ZNF385B: variants seen among roughly 807,000 people sequenced by gnomAD.
The protein encoded by ZNF385B is zinc finger protein 385B.
A neutral mutation model predicts 39.2 loss-of-function variants in ZNF385B; 23 were observed. The ratio of observed to expected loss-of-function variants is 0.59; its 90% CI spans 0.42 to 0.83. The LOEUF is 0.83. ZNF385B is among the 40% of genes least tolerant of loss of function. The pLI, the probability that ZNF385B is intolerant of heterozygous loss-of-function variation, is 0.00. For missense variants in ZNF385B, 552 were observed against 598.9 expected (o/e 0.92, Z 0.82); for synonymous variants, 205 against 222.6 (o/e 0.92, Z 0.70).
intron 3 of ZNF385B, among the ~76,000 whole-genome samples, chr2:179,592,230 C>G (rs1687624053): frequency 6.6e-6 from 1 of 151,928 alleles, no homozygotes; most frequent in African/African-American, 2.4e-5. Flanking sequence ...GTTAAGAGCT[C>G]TCTACACCCT....
chr2:179,539,416 A>C (rs1225530873), intron 4 of ZNF385B, among the ~76,000 whole-genome samples: 6 of 152,226 alleles, frequency 3.9e-5, no homozygotes, highest in Non-Finnish European at 7.3e-5. Context: ...GAGGGGACAT[A>C]AACATTCAGT....
intron 3 of ZNF385B, among the ~76,000 whole-genome samples, chr2:179,637,673 AGT>A (rs1364055644): frequency 7.2e-6 from 1 of 138,322 alleles, no homozygotes; most frequent in African/African-American, 2.6e-5. Context: ...AGGACAAGGC[AGT>A]GAAAGGATAA....
intron 3 of ZNF385B, among the ~76,000 whole-genome samples, chr2:179,651,866 C>A (rs1046805352): frequency 1.3e-5 from 2 of 152,128 alleles, no homozygotes; most frequent in African/African-American, 4.8e-5. Context: ...AGATAGTGCT[C>A]CTAACGGAAA....
chr2:179,766,030 T>TCTCACACACACACA lies in ZNF385B; in HGVS notation c.298+3472_298+3473insTGTGTGTGTGTGAG, dbSNP rs1553527783. On this transcript the variant is annotated intron_variant, in intron 3 of 9. Coordinates refer to ENST00000410066, the MANE Select transcript of ZNF385B (RefSeq NM_152520.6). Reference sequence around the variant, plus strand: ...TCCCTTGCTCACTTTGGTACATTGATCACACACACACACACACACACACAC... The same window carrying TCTCACACACACACA: ...TCCCTTGCTCACTTTGGTACATTGATCTCACACACACACACACACACACACACACACACACACAC... 3.5e-5 allele frequency among the ~76,000 whole-genome samples: 5 copies of TCTCACACACACACA among 140,926 alleles called. No individual in the cohort carries two copies. In the East Asian group the frequency reaches 1.1e-3, roughly 31 times the overall value. The allele number at this position is 140,926 out of a possible 152,430, so 92.5% of individuals were successfully genotyped here.
intron 1 of ZNF385B, among the ~76,000 whole-genome samples, chr2:179,819,890 C>T (rs1280776208): frequency 6.6e-6 from 1 of 152,116 alleles, no homozygotes; most frequent in Admixed American, 6.5e-5. Flanking sequence ...TTCATATTAA[C>T]AATTAGACAT....
intron 3 of ZNF385B, among the ~76,000 whole-genome samples, chr2:179,735,333 T>C (rs1344298239): frequency 6.8e-6 from 1 of 148,008 alleles, no homozygotes; most frequent in East Asian, 2.0e-4. Context: ...CACTATGAGA[T>C]ACCATCTCAC....
At chr2:179,767,692 A>G (rs1703786039) in intron 3 of ZNF385B, among the ~76,000 whole-genome samples, 1 of 152,166 alleles carries the variant, frequency 6.6e-6, no homozygotes, top group Non-Finnish European at 1.5e-5. Flanking sequence ...ACGCATGCAC[A>G]CATGATAGCA....
At chr2:179,766,785 T>A (rs1703722669) in intron 3 of ZNF385B, among the ~76,000 whole-genome samples, 2 of 152,190 alleles carry the variant, frequency 1.3e-5, no homozygotes, top group African/African-American at 4.8e-5. Flanking sequence ...TTTTTTTGTG[T>A]GTGTGTGAAG....
chr2:179,673,508 A>G (rs6708458), intron 3 of ZNF385B, among the ~76,000 whole-genome samples: 31,606 of 152,106 alleles, frequency 0.21, 4,416 homozygotes, highest in African/African-American at 0.4. Context: ...GTGGAAGAAG[A>G]ATTTAGAAGA....
At chr2:179,619,994 G>A (rs1690076197) in intron 3 of ZNF385B, among the ~76,000 whole-genome samples, 1 of 152,034 alleles carries the variant, frequency 6.6e-6, no homozygotes. Flanking sequence ...TCTGACTTTT[G>A]GTGTTAATAT....
intron 5 of ZNF385B, among the ~76,000 whole-genome samples, chr2:179,511,417 A>G (rs572493530): frequency 6.6e-6 from 1 of 152,332 alleles, no homozygotes; most frequent in East Asian, 1.9e-4. Flanking sequence ...AGGAAATTGG[A>G]ATAAAATTAA....
At chr2:179,604,770 G>T (rs1027103921) in intron 3 of ZNF385B, among the ~76,000 whole-genome samples, 105 of 152,168 alleles carry the variant, frequency 6.9e-4, no homozygotes, top group African/African-American at 2.4e-3. Context: ...CCTTGTCAAA[G>T]TGGTTTCTGG....
intron 3 of ZNF385B, among the ~76,000 whole-genome samples, chr2:179,579,811 T>C (rs1686274769): frequency 6.6e-6 from 1 of 152,188 alleles, no homozygotes; most frequent in South Asian, 2.1e-4. Context: ...TTGTTATTTC[T>C]ATGCATTATA....
chr2:179,725,965 C>T (rs1182848178), intron 3 of ZNF385B, among the ~76,000 whole-genome samples: 1 of 149,484 alleles, frequency 6.7e-6, no homozygotes, highest in African/African-American at 2.5e-5. Context: ...TAAATCTAGA[C>T]AATAGCACAC....
At chr2:179,580,387 C>A (rs1266351231) in intron 3 of ZNF385B, among the ~76,000 whole-genome samples, 1 of 152,060 alleles carries the variant, frequency 6.6e-6, no homozygotes, top group African/African-American at 2.4e-5. Flanking sequence ...AGGGAAAATA[C>A]TAGAAAAAAC....
At chr2:179,604,014 C>T (rs1336838601) in intron 3 of ZNF385B, among the ~76,000 whole-genome samples, 1 of 152,066 alleles carries the variant, frequency 6.6e-6, no homozygotes, top group African/African-American at 2.4e-5. Context: ...TTTTAATGAG[C>T]TTATTTTAAA....
intron 5 of ZNF385B, among the ~76,000 whole-genome samples, chr2:179,515,746 C>A (rs949327966): frequency 6.6e-6 from 1 of 151,888 alleles, no homozygotes; most frequent in East Asian, 1.9e-4. Context: ...TGGCTCATAT[C>A]ATTAATTTTT....
At chr2:179,503,450 C>T (rs2056946742) in intron 5 of ZNF385B, among the ~76,000 whole-genome samples, 1 of 152,184 alleles carries the variant, frequency 6.6e-6, no homozygotes, top group Admixed American at 6.5e-5. Flanking sequence ...GACAATTATT[C>T]AATGTTTAAA....
At chr2:179,645,859 G>A (rs1353561261) in intron 3 of ZNF385B, among the ~76,000 whole-genome samples, 1 of 152,224 alleles carries the variant, frequency 6.6e-6, no homozygotes, top group Admixed American at 6.5e-5. Context: ...CAGGCCTTGT[G>A]AAACTGTATT....
Sources: allele counts gnomAD v4.1 joint callset (sites outside exome capture counted in the v4.1 genomes callset), GRCh38; gene constraint gnomAD v4.1.1; transcripts MANE v1.5; gene names NCBI Gene and HGNC (gene_info 2026-07-23, HGNC 2026-07-21).